IKBKE: variants seen among roughly 807,000 people sequenced by gnomAD.
IKBKE encodes the protein inhibitor of nuclear factor kappa-B kinase subunit epsilon.
A neutral mutation model predicts 92.1 loss-of-function variants in IKBKE; 45 were observed. The ratio of observed to expected loss-of-function variants is 0.49; its 90% CI spans 0.38 to 0.63. The LOEUF (loss-of-function observed/expected upper bound fraction) is 0.63. IKBKE is among the 20% of genes least tolerant of loss of function. The probability of loss-of-function intolerance (pLI) is 0.00; values close to 1 mark genes in which losing one functional copy is unlikely to be tolerated. For missense variants in IKBKE, 700 were observed against 932.8 expected, an observed-to-expected ratio of 0.75 and a Z score of 3.25; for synonymous variants, 374 against 380.3, an observed-to-expected ratio of 0.98 and a Z score of 0.19.
At position 206,471,011 on chromosome 1, in the gene IKBKE, G is replaced by C. The variant is rs2297547; in HGVS notation, c.-122-145G>C. 16 of 152,418 alleles carry C rather than the reference G, an allele frequency of 1.0e-4. No individual in the cohort carries two copies. In the East Asian group the frequency reaches 2.9e-3, roughly 28 times the overall value. The allele number at this position is 152,418 out of a possible 1,614,324, so 9.4% of individuals were successfully genotyped here. A position where few individuals can be genotyped will look rare whatever the true frequency, so the allele number is the denominator to read the frequency against. On this transcript the variant is annotated intron_variant, in intron 1 of 21. Transcript: ENST00000581977. ...AGGCTCCCTGAACAGTTTGGGAATA[G>C]AGCTGGAAACCCCCAGCCCAGCCCT...
chr1:206,496,204 T>C lies in IKBKE; in HGVS notation c.*59T>C. 1 of 1,456,914 alleles carries C rather than the reference T, an allele frequency of 6.9e-7. No homozygotes were observed. Among genetic ancestry groups the C allele is most frequent in the East Asian group, 2.3e-5 (1 of 44,130 alleles). 90.2% of individuals were successfully genotyped at this position (1,456,914 alleles called of 1,614,324 possible). ...TAGAATGATTCCAACACTGCTCTTC[T>C]GCACCATGAGACCAACCCAGGGCAA... On this transcript the variant is annotated 3_prime_UTR_variant, in exon 22 of 22. Transcript: ENST00000581977.
rs550689498 is a variant in IKBKE, at chr1:206,474,810, G to T, written c.229-55G>T. The T allele has an allele frequency of 6.9e-6, 11 of 1,594,460 alleles. No homozygotes were observed. In the East Asian group the frequency reaches 2.5e-4, roughly 36 times the overall value. On this transcript the variant is annotated intron_variant, in intron 4 of 21. Transcript: ENST00000581977. ...CTCCAGGCTGAGCCACTTCTTCCTG[G>T]TGGGTGGGGAGGAGAAGTGCCGTCC...
chr1:206,472,402 T>C (rs1664823197), intron 2 of IKBKE, among the ~76,000 whole-genome samples: 1 of 152,214 alleles, frequency 6.6e-6, no homozygotes, highest in South Asian at 2.1e-4. Flanking sequence ...TTTCTGGTAC[T>C]AATTGCTTTA....
chr1:206,475,561 C>T (rs545985692), intron 5 of IKBKE, among the ~76,000 whole-genome samples: 1 of 152,122 alleles, frequency 6.6e-6, no homozygotes, highest in African/African-American at 2.4e-5. Flanking sequence ...ACGGTGAAAC[C>T]CTGTCTCTAC....
intron 10 of IKBKE, 114 bp downstream of exon 10, chr1:206,479,247 C>A: frequency 1.2e-6 from 1 of 863,230 alleles, no homozygotes. Context: ...TTTGGGGCCA[C>A]AGGGAGCAGG....
chr1:206,491,238 G>A (rs1665937372), intron 17 of IKBKE: 1 of 371,472 alleles, frequency 2.7e-6, no homozygotes, highest in Non-Finnish European at 5.0e-6. Context: ...CGTCCAGGAG[G>A]CCCTCCCTGA....
chr1:206,496,089 C>G (rs1666224860), intron 21 of IKBKE, 23 bp from the exon 22 acceptor site: 1 of 1,609,966 alleles, frequency 6.2e-7, no homozygotes, highest in African/African-American at 1.3e-5. Flanking sequence ...GTGGGCACTG[C>G]TAGCCTGTAC....
In IKBKE at chr1:206,478,848, A is replaced by G; in HGVS notation, c.993-95A>G. 1.0e-6 allele frequency: 1 copy of G among 961,178 alleles called. No individual in the cohort carries two copies. 59.5% of individuals were successfully genotyped at this position (961,178 alleles called of 1,614,324 possible). Reference sequence around the variant, plus strand: ...CCCTCTGCAAAACAGAGCCCTGTCTATGGGCAACGCTTAGCTGGGGCTTAG... The same window carrying G: ...CCCTCTGCAAAACAGAGCCCTGTCTGTGGGCAACGCTTAGCTGGGGCTTAG... On this transcript the variant is annotated intron_variant, in intron 9 of 21. Coordinates refer to ENST00000581977, the MANE Select transcript of IKBKE (RefSeq NM_014002.4). The surrounding 1 kb of genome is among the most constrained non-coding windows in gnomAD (Gnocchi z 4.8).
intron 16 of IKBKE, among the ~76,000 whole-genome samples, chr1:206,489,738 C>A (rs1481799034): frequency 6.6e-6 from 1 of 152,054 alleles, no homozygotes; most frequent in African/African-American, 2.4e-5. Context: ...AACCTCTAGG[C>A]ATCATTACCC....
At chr1:206,493,819 T>A in intron 20 of IKBKE, 101 bp from the exon 21 acceptor site, 1 of 832,678 alleles carries the variant, frequency 1.2e-6, no homozygotes, top group Admixed American at 2.4e-5. Context: ...ATAAAGAGGC[T>A]TCTTTGGTGG....
chr1:206,475,456 C>T (rs920161859), intron 5 of IKBKE, among the ~76,000 whole-genome samples: 12 of 152,100 alleles, frequency 7.9e-5, no homozygotes, highest in South Asian at 4.1e-4. Context: ...AGAATGAGGC[C>T]GGGTGCAGTG....
At chr1:206,474,310 C>A (rs781837145) in intron 3 of IKBKE, 21 bp from the exon 4 acceptor site, 2 of 1,605,256 alleles carry the variant, frequency 1.2e-6, no homozygotes, top group East Asian at 4.5e-5. Flanking sequence ...CTGTCTCCCA[C>A]TGCTCCCTCC....
Position 206,487,359 on chromosome 1 carries a change from G to A in IKBKE, c.1617-555G>A, listed in dbSNP as rs1407041565. Among the ~76,000 whole-genome samples the A allele has an allele frequency of 1.3e-5, 2 of 152,204 alleles. No individual in the cohort carries two copies. Among genetic ancestry groups the A allele is most frequent in the Non-Finnish European group, 2.9e-5 (2 of 68,044 alleles). On this transcript the variant is annotated intron_variant, in intron 15 of 21. Coordinates refer to ENST00000581977, the MANE Select transcript of IKBKE (RefSeq NM_014002.4). The surrounding 1 kb of genome is among the most constrained non-coding windows in gnomAD (Gnocchi z 5.3). The stretch of plus-strand genomic sequence containing the variant: ...TCATCTCCCCAGTTCCTCCGCCTCC[G>A]GGCAGGACCGAGGCCTGTTGATTCA...
chr1:206,481,098 C>T (rs577001604), intron 13 of IKBKE, among the ~76,000 whole-genome samples: 3 of 152,220 alleles, frequency 2.0e-5, no homozygotes, highest in East Asian at 1.9e-4. Flanking sequence ...AGAGAGAGAC[C>T]GGGCAGGAGG....
At chr1:206,481,626 C>T (rs185491308) in intron 13 of IKBKE, among the ~76,000 whole-genome samples, 10 of 152,248 alleles carry the variant, frequency 6.6e-5, no homozygotes, top group East Asian at 1.9e-4. Context: ...GTAGATGTGG[C>T]ATCCTGTCAT....
chr1:206,493,198 G>T, intron 19 of IKBKE, 68 bp from the exon 20 acceptor site: 1 of 1,555,388 alleles, frequency 6.4e-7, no homozygotes. Context: ...CCCTCCTCCA[G>T]CACTCCCCCT....
At chr1:206,489,252 CAT>C (rs139568550) in intron 16 of IKBKE, among the ~76,000 whole-genome samples, 2,114 of 147,082 alleles carry the variant, frequency 0.014, 32 homozygotes, top group African/African-American at 0.045. Context: ...ATATTATTCA[CAT>C]ATATATATTA....
chr1:206,473,058 C>T, intron 2 of IKBKE, 138 bp from the exon 3 acceptor site: 1 of 657,896 alleles, frequency 1.5e-6, no homozygotes, highest in Non-Finnish European at 2.7e-6. Flanking sequence ...CTTCACACTT[C>T]CCCCGCTCCC....
chr1:206,474,654 G>A (rs979244460), intron 4 of IKBKE, 183 bp downstream of exon 4: 4 of 782,258 alleles, frequency 5.1e-6, no homozygotes, highest in Non-Finnish European at 8.0e-6. Context: ...AAGGAACGAT[G>A]GACAGAATCA....
Sources: gnomAD v4.1 joint callset for allele counts (sites outside exome capture counted in the v4.1 genomes callset) on GRCh38, gnomAD v4.1.1 for gene constraint, Gnocchi (gnomAD v3.1) non-coding constraint, MANE v1.5 for transcripts, NCBI Gene and HGNC (gene_info 2026-07-23, HGNC 2026-07-21) for gene names.